The following POLR3B variants were observed in gnomAD, a reference collection of about 807,000 sequenced individuals.
POLR3B encodes DNA-directed RNA polymerase III subunit RPC2.
POLR3B carries 96 observed loss-of-function variants against 147.4 expected under a neutral mutation model. The observed-to-expected ratio is 0.65, with a 90% CI of 0.55 to 0.77. The LOEUF is 0.77. POLR3B is among the 30% of genes least tolerant of loss of function. The probability of loss-of-function intolerance (pLI) is 0.00; values close to 1 mark genes in which losing one functional copy is unlikely to be tolerated. For missense variants in POLR3B, 1,036 were observed against 1,413.5 expected (o/e 0.73, Z 4.28); for synonymous variants, 461 against 485.9 (o/e 0.95, Z 0.67).
chr12:106,380,849 A>G (rs747078162), intron 9 of POLR3B, among the ~76,000 whole-genome samples: 5 of 152,220 alleles, frequency 3.3e-5, no homozygotes, highest in African/African-American at 4.8e-5. Flanking sequence ...CTTCTCAGAT[A>G]CAGGCATACT....
chr12:106,464,807 G>A (rs183076458), intron 23 of POLR3B, among the ~76,000 whole-genome samples: 10 of 152,252 alleles, frequency 6.6e-5, no homozygotes, highest in African/African-American at 2.2e-4. Flanking sequence ...TTTGCCAAGC[G>A]AGTATATCCA....
At chr12:106,385,099 G>A (rs2036817684) in intron 9 of POLR3B, among the ~76,000 whole-genome samples, 1 of 152,008 alleles carries the variant, frequency 6.6e-6, no homozygotes. Context: ...GCTGGGATTA[G>A]GTGTAAGCCA....
At chr12:106,496,314 A>G (rs2038484859) in intron 24 of POLR3B, 156 bp downstream of exon 24, 1 of 705,852 alleles carries the variant, frequency 1.4e-6, no homozygotes, top group Admixed American at 2.0e-5. Flanking sequence ...CCAGCCCCTA[A>G]CGATTCTGGG....
At chr12:106,398,999 T>C (rs1254261027) in intron 10 of POLR3B, among the ~76,000 whole-genome samples, 3 of 151,662 alleles carry the variant, frequency 2.0e-5, no homozygotes, top group Admixed American at 6.6e-5. Context: ...CTTTGACGAG[T>C]TGAGAAAAGA....
At chr12:106,373,335 T>C (rs181086721) in intron 6 of POLR3B, among the ~76,000 whole-genome samples, 1 of 152,248 alleles carries the variant, frequency 6.6e-6, no homozygotes, top group African/African-American at 2.4e-5. Context: ...ATTGTACATT[T>C]ATCTTCTTTA....
intron 9 of POLR3B, among the ~76,000 whole-genome samples, chr12:106,392,325 G>A (rs1186486436): frequency 6.6e-6 from 1 of 152,066 alleles, no homozygotes; most frequent in African/African-American, 2.4e-5. Context: ...AACACATCTG[G>A]CTAATTTTTG....
intron 9 of POLR3B, among the ~76,000 whole-genome samples, chr12:106,384,648 A>G (rs1363129525): frequency 1.3e-5 from 2 of 152,082 alleles, no homozygotes; most frequent in African/African-American, 2.4e-5. Flanking sequence ...TGTTGATTGC[A>G]GTATAAGATG....
chr12:106,446,329 ATCTC>A (rs1300031191), intron 19 of POLR3B: 1 of 450,456 alleles, frequency 2.2e-6, no homozygotes, highest in Non-Finnish European at 4.5e-6. Flanking sequence ...AGCTGCAACT[ATCTC>A]TATGTAGTGA....
At chr12:106,388,928 C>T (rs1430423640) in intron 9 of POLR3B, among the ~76,000 whole-genome samples, 1 of 152,132 alleles carries the variant, frequency 6.6e-6, no homozygotes, top group African/African-American at 2.4e-5. Context: ...GTGCATCTCC[C>T]CTTATTTTTG....
At chr12:106,442,161 A>T (rs1338406860) in intron 18 of POLR3B, among the ~76,000 whole-genome samples, 1 of 147,372 alleles carries the variant, frequency 6.8e-6, no homozygotes, top group Non-Finnish European at 1.5e-5. Context: ...AAAGAGAATA[A>T]TTTTTTTTTT....
chr12:106,407,689 T>C (rs1236155923), intron 11 of POLR3B, among the ~76,000 whole-genome samples: 3 of 151,728 alleles, frequency 2.0e-5, no homozygotes, highest in Admixed American at 2.0e-4. Flanking sequence ...ATTAGCCAGG[T>C]GTGGTGGTGC....
intron 14 of POLR3B, 101 bp downstream of exon 14, chr12:106,430,574 A>G (rs531838460): frequency 1.1e-4 from 90 of 852,304 alleles, no homozygotes; most frequent in African/African-American, 1.0e-3. Context: ...TCTCCAGGCC[A>G]TATCCTTTCT....
chr12:106,497,798 A>G (rs1304378048), intron 25 of POLR3B, among the ~76,000 whole-genome samples: 2 of 152,220 alleles, frequency 1.3e-5, no homozygotes, highest in Non-Finnish European at 2.9e-5. Flanking sequence ...TAATAGACAC[A>G]AGGTAACTTC....
intron 1 of POLR3B, 44 bp downstream of exon 1, chr12:106,357,995 C>G (rs1421061081): frequency 3.1e-6 from 5 of 1,604,160 alleles, no homozygotes; most frequent in Non-Finnish European, 3.4e-6. Flanking sequence ...AAGGATGCGC[C>G]CTGAGGGGGC....
chr12:106,442,035 G>A (rs1244397970), intron 18 of POLR3B, among the ~76,000 whole-genome samples: 2 of 148,412 alleles, frequency 1.3e-5, no homozygotes, highest in Non-Finnish European at 3.0e-5. Flanking sequence ...AGCCAAGATC[G>A]CACCATTGCA....
In POLR3B at chr12:106,397,108, G is replaced by C. The variant is rs2036989072; in HGVS notation, c.846+3955G>C. Among the ~76,000 whole-genome samples, 4 of 149,686 alleles carry C rather than the reference G, an allele frequency of 2.7e-5. No individual in the cohort carries two copies. In the South Asian group the frequency reaches 6.3e-4, roughly 24 times the overall value. On this transcript the variant is annotated intron_variant, in intron 10 of 27. Transcript: ENST00000228347. ...CCACTGTACTCCAGCCTGGGCAACA[G>C]AGTGAGACCCTGTCTCAAAAAAAAA...
intron 23 of POLR3B, among the ~76,000 whole-genome samples, chr12:106,469,992 G>A (rs895142136): frequency 3.3e-5 from 5 of 152,224 alleles, no homozygotes; most frequent in African/African-American, 7.2e-5. Context: ...TTTGAATGTT[G>A]GCCTGCCTTG....
chr12:106,400,994 A>G (rs2037056844), intron 10 of POLR3B, among the ~76,000 whole-genome samples: 1 of 152,226 alleles, frequency 6.6e-6, no homozygotes, highest in African/African-American at 2.4e-5. Context: ...ACTGAAGGAA[A>G]TAGAGACACA....
At chr12:106,463,748 C>A in intron 23 of POLR3B, 128 bp downstream of exon 23, 6 of 782,538 alleles carry the variant, frequency 7.7e-6, no homozygotes, top group Non-Finnish European at 1.3e-5. Flanking sequence ...AAAAATTAAT[C>A]TTGTTTTATT....
Sources: allele counts gnomAD v4.1 joint callset (sites outside exome capture counted in the v4.1 genomes callset), GRCh38; gene constraint gnomAD v4.1.1; transcripts MANE v1.5; gene names NCBI Gene and HGNC (gene_info 2026-07-23, HGNC 2026-07-21).